ADGRA2: variants seen among roughly 807,000 people sequenced by gnomAD.
The protein encoded by ADGRA2 is adhesion G protein-coupled receptor A2, also known as G-protein coupled receptor 124.
ADGRA2 carries 61 observed loss-of-function variants against 98.7 expected under a neutral mutation model. The observed-to-expected ratio is 0.62, with a 90% confidence interval of 0.50 to 0.76. The LOEUF is 0.76. ADGRA2 is among the 30% of genes least tolerant of loss of function. ADGRA2 has a pLI of 0.00. For missense variants in ADGRA2, 1,712 were observed against 1,860.0 expected, an observed-to-expected ratio of 0.92 and a Z score of 1.46; for synonymous variants, 858 against 831.5, an observed-to-expected ratio of 1.03 and a Z score of -0.55.
In ADGRA2 at chr8:37,828,976, C is replaced by T. The variant is rs1585395762; in HGVS notation, c.410+17C>T. 6.5e-7 allele frequency: 1 copy of T among 1,537,694 alleles called. No homozygotes were observed. Among genetic ancestry groups the T allele is most frequent in the South Asian group, 1.3e-5 (1 of 79,774 alleles). ...GAAGCGTTTGTGAGTGGCACGCCCT[C>T]CCCTGACCCCACCCCTCCCCTCCCG... On this transcript the variant is annotated intron_variant, in intron 3 of 18. Coordinates refer to ENST00000412232, the MANE Select transcript of ADGRA2 (RefSeq NM_032777.10).
chr8:37,837,738 T>C lies in ADGRA2; in HGVS notation c.2058T>C (p.Cys686=). 1 of 1,552,798 alleles carries C rather than the reference T, an allele frequency of 6.4e-7. No homozygotes were observed. Among genetic ancestry groups the C allele is most frequent in the Non-Finnish European group, 8.7e-7 (1 of 1,148,310 alleles). ...GTCCCTCTCCCGCTGTAGGTGGCTG[T>C]GGCGTGGGAAACCTGACAGAGCCAG... The part of the protein sequence containing the change: ...TPVIFAGTSG[C]GVGNLTEPVA... Residue 686 remains cysteine, a synonymous_variant, in exon 14 of 19, where the codon TGT becomes TGC. Transcript: ENST00000412232.
Position 37,844,423 on chromosome 8 carries a change from T to A in ADGRA2, c.*2068T>A, listed in dbSNP as rs761019831. The A allele has an allele frequency of 3.2e-6, 5 of 1,568,996 alleles. No individual in the cohort carries two copies. Among genetic ancestry groups the A allele is most frequent in the Non-Finnish European group, 4.3e-6 (5 of 1,154,552 alleles). On this transcript the variant is annotated 3_prime_UTR_variant, in exon 19 of 19. Coordinates refer to ENST00000412232, the MANE Select transcript of ADGRA2 (RefSeq NM_032777.10). ...ACCTACGGACTGGTGTACACTTCCA[T>A]CCTTGGTTATAACAGGAATGTTATC... is the stretch of plus-strand genomic sequence containing the variant.
intron 1 of ADGRA2, among the ~76,000 whole-genome samples, chr8:37,800,054 A>C (rs1804454914): frequency 6.6e-6 from 1 of 152,144 alleles, no homozygotes; most frequent in Non-Finnish European, 1.5e-5. Context: ...ATGCATCTTG[A>C]GGGAGGGAGC....
chr8:37,826,051 G>T (rs1372010309), intron 2 of ADGRA2, among the ~76,000 whole-genome samples: 8 of 152,154 alleles, frequency 5.3e-5, no homozygotes, highest in Admixed American at 5.2e-4. Context: ...GCTCCCATCT[G>T]CAGAGCATCA....
At position 37,816,927 on chromosome 8, in the gene ADGRA2, A is replaced by AACACACACACAC. The variant is rs3050620; in HGVS notation, c.338+1998_338+2009dup. On this transcript the variant is annotated intron_variant, in intron 2 of 18. Transcript: ENST00000412232. Reference sequence around the variant, plus strand: ...CAAGACTGTCTCAAAAAGAAAGCAAAACACACACACACACACACACACACA... The same window carrying AACACACACACAC: ...CAAGACTGTCTCAAAAAGAAAGCAAAACACACACACACACACACACACACACACACACACACA... 2.5e-3 allele frequency among the ~76,000 whole-genome samples: 328 copies of AACACACACACAC among 131,982 alleles called. 4 individuals carry two copies. Among genetic ancestry groups the AACACACACACAC allele is most frequent in the East Asian group, 6.0e-3 (25 of 4,186 alleles). 86.6% of individuals were successfully genotyped at this position (131,982 alleles called of 152,430 possible).
Position 37,835,636 on chromosome 8 carries a change from C to T in ADGRA2, c.1916C>T (p.Pro639Leu). The T allele has an allele frequency of 5.0e-6, 8 of 1,613,554 alleles. No individual in the cohort carries two copies. Among genetic ancestry groups the T allele is most frequent in the Non-Finnish European group, 5.9e-6 (7 of 1,179,558 alleles). Residue 639 changes from proline to leucine, a missense_variant, in exon 13 of 19, where the codon CCA (proline) becomes CTA (leucine). Physicochemically the swap from Pro to Leu is moderately conservative, Grantham distance 98. Coordinates refer to ENST00000412232, the MANE Select transcript of ADGRA2 (RefSeq NM_032777.10). ...GCTGCCCTGGCTCCCCCGGTGCCCC[C>T]AGACTGCACCCTGCAACTGCTCGTC... The part of the protein sequence containing the change: ...LPAALAPPVP[P>L]DCTLQLLVFR...
intron 2 of ADGRA2, among the ~76,000 whole-genome samples, chr8:37,818,015 T>G (rs1212829374): frequency 6.6e-6 from 1 of 152,102 alleles, no homozygotes; most frequent in Non-Finnish European, 1.5e-5. Flanking sequence ...AGAGCAAGAC[T>G]CCGTCTCTAA....
At chr8:37,821,709 A>T (rs1485035224) in intron 2 of ADGRA2, among the ~76,000 whole-genome samples, 1 of 151,654 alleles carries the variant, frequency 6.6e-6, no homozygotes, top group Non-Finnish European at 1.5e-5. Context: ...GCACGGCTAA[A>T]GGAAAGAGTC....
Position 37,802,055 on chromosome 8 carries a change from C to T in ADGRA2, c.266+4521C>T, listed in dbSNP as rs1226372652. ...ACCTAGGGGAGAAGAGGCTGTCTGC[C>T]GCAGGTGTGCCTAGCACGGGCTGGG... On this transcript the variant is annotated intron_variant, in intron 1 of 18. Transcript: ENST00000412232. This position sits in a 1 kb window ranked among gnomAD's most constrained non-coding sequence, Gnocchi z 4.7. Among the ~76,000 whole-genome samples the T allele has an allele frequency of 2.0e-5, 3 of 152,216 alleles. No individual in the cohort carries two copies. Among genetic ancestry groups the T allele is most frequent in the Non-Finnish European group, 4.4e-5 (3 of 68,040 alleles).
Position 37,797,041 on chromosome 8 carries a change from C to A in ADGRA2, c.-228C>A, listed in dbSNP as rs1459276949. ...CTCCGGCCGCGCAGCTGGGAGCTGC[C>A]CGCGCTGCGCTGACAGCCGCGCCGA... On this transcript the variant is annotated 5_prime_UTR_variant, in exon 1 of 19. Coordinates refer to ENST00000412232, the MANE Select transcript of ADGRA2 (RefSeq NM_032777.10). This position sits in a 1 kb window ranked among gnomAD's most constrained non-coding sequence, Gnocchi z 5.3. 1 of 193,658 alleles carries A rather than the reference C, an allele frequency of 5.2e-6. No individual in the cohort carries two copies. The highest frequency in any genetic ancestry group is 2.4e-5 in the African/African-American group (1 of 42,160). 12.0% of individuals were successfully genotyped at this position (193,658 alleles called of 1,614,324 possible).
intron 3 of ADGRA2, 86 bp downstream of exon 3, chr8:37,829,045 C>G (rs1310082173): frequency 1.1e-6 from 1 of 881,694 alleles, no homozygotes; most frequent in Non-Finnish European, 1.7e-6. Flanking sequence ...CCCCCTTCCT[C>G]TCACCCCCCC....
rs573577355 is a variant in ADGRA2, at chr8:37,802,183, C to T, written c.266+4649C>T. On this transcript the variant is annotated intron_variant, in intron 1 of 18. Coordinates refer to ENST00000412232, the MANE Select transcript of ADGRA2 (RefSeq NM_032777.10). The surrounding 1 kb of genome is among the most constrained non-coding windows in gnomAD (Gnocchi z 4.7). The stretch of plus-strand genomic sequence containing the variant: ...AGGTCTCCCTCTGGACCTCCAGCTG[C>T]TGGCTGGGACTCACTTCAGGGCCCC... Among the ~76,000 whole-genome samples, 23 of 152,334 alleles carry T rather than the reference C, an allele frequency of 1.5e-4. No homozygotes were observed. Among genetic ancestry groups the T allele is most frequent in the South Asian group, 6.2e-4 (3 of 4,834 alleles).
intron 2 of ADGRA2, among the ~76,000 whole-genome samples, chr8:37,822,343 G>A (rs1204648217): frequency 6.6e-6 from 1 of 151,798 alleles, no homozygotes; most frequent in Non-Finnish European, 1.5e-5. Context: ...TGGGGCCAGA[G>A]GGAGCTGACT....
At chr8:37,815,268 C>T (rs369542050) in intron 2 of ADGRA2, among the ~76,000 whole-genome samples, 80 of 152,362 alleles carry the variant, frequency 5.3e-4, no homozygotes, top group Non-Finnish European at 1.1e-3. Flanking sequence ...GCCGAGCTCT[C>T]GACTGGCCTC....
intron 2 of ADGRA2, among the ~76,000 whole-genome samples, chr8:37,825,538 C>T (rs1057338297): frequency 6.6e-6 from 1 of 151,984 alleles, no homozygotes; most frequent in Non-Finnish European, 1.5e-5. Flanking sequence ...TGTGAGCCAC[C>T]GCACCCGGCC....
Position 37,831,522 on chromosome 8 carries a change from G to C in ADGRA2, c.1032G>C (p.Val344=), listed in dbSNP as rs748152802. Residue 344 remains valine (V), a synonymous_variant, in exon 8 of 19, where the codon GTG becomes GTC. Coordinates refer to ENST00000412232, the MANE Select transcript of ADGRA2 (RefSeq NM_032777.10). The part of the protein sequence containing the change: ...QGNASKKVEI[V]VLETSASYCP... ...ACGCCAGCAAGAAGGTGGAGATCGTGGTGCTGGAGACCTCTGCCTCCTACT... is the reference window on the plus strand; with the variant it reads ...ACGCCAGCAAGAAGGTGGAGATCGTCGTGCTGGAGACCTCTGCCTCCTACT... 1 of 1,613,910 alleles carries C rather than the reference G, an allele frequency of 6.2e-7. No homozygotes were observed. The highest frequency in any genetic ancestry group is 2.2e-5 in the East Asian group (1 of 44,880).
At chr8:37,817,284 A>G (rs1805007402) in intron 2 of ADGRA2, among the ~76,000 whole-genome samples, 1 of 152,178 alleles carries the variant, frequency 6.6e-6, no homozygotes, top group Admixed American at 6.5e-5. Context: ...CTGGAGTAGC[A>G]GGGCGACCCG....
At position 37,807,391 on chromosome 8, in the gene ADGRA2, C is replaced by T. The variant is rs1585968067; in HGVS notation, c.267-7505C>T. 5.3e-5 allele frequency among the ~76,000 whole-genome samples: 8 copies of T among 152,308 alleles called. 1 individual carries two copies. In the South Asian group the frequency reaches 1.7e-3, roughly 32 times the overall value. On this transcript the variant is annotated intron_variant, in intron 1 of 18. Transcript: ENST00000412232. ...ACTTTTGGAGGTCTTACTGTCGTAT[C>T]AACCATACTAAAATGTACCCACATC...
chr8:37,840,556 G>A (rs2130060483), intron 17 of ADGRA2, among the ~76,000 whole-genome samples: 1 of 152,298 alleles, frequency 6.6e-6, no homozygotes, highest in South Asian at 2.1e-4. Context: ...TAGGGTGAGA[G>A]AGCAATTCTG....
Sources: allele counts gnomAD v4.1 joint callset (sites outside exome capture counted in the v4.1 genomes callset), GRCh38; gene constraint gnomAD v4.1.1; non-coding constraint Gnocchi (gnomAD v3.1); transcripts MANE v1.5; gene names NCBI Gene and HGNC (gene_info 2026-07-23, HGNC 2026-07-21).